Variants in EGFR observed in about 807,000 individuals in gnomAD.
EGFR encodes the protein epidermal growth factor receptor.
A neutral mutation model predicts 143.0 loss-of-function variants in EGFR; 58 were observed. The observed-to-expected ratio is 0.41, with a 90% CI of 0.33 to 0.50. The LOEUF is 0.50. Ranked by LOEUF, EGFR falls within the 20% of genes least tolerant of loss-of-function variation. The probability of loss-of-function intolerance (pLI) is 0.39; values close to 1 mark genes in which losing one functional copy is unlikely to be tolerated. For synonymous variants in EGFR, 613 were observed against 594.4 expected, an observed-to-expected ratio of 1.03 and a Z score of -0.45; for missense variants, 1,307 against 1,579.0, an observed-to-expected ratio of 0.83 and a Z score of 2.92.
intron 1 of EGFR, among the ~76,000 whole-genome samples, chr7:55,062,942 A>G (rs1423228349): frequency 6.6e-6 from 1 of 151,956 alleles, no homozygotes; most frequent in Non-Finnish European, 1.5e-5. Context: ...AGTGCTTGAA[A>G]TTGGCTTTCG....
chr7:55,139,572 C>T (rs185667430), intron 1 of EGFR, among the ~76,000 whole-genome samples: 61 of 152,224 alleles, frequency 4.0e-4, no homozygotes, highest in Middle Eastern at 3.4e-3. Context: ...TCTTTTGATA[C>T]TTTAGTAATT....
intron 15 of EGFR, among the ~76,000 whole-genome samples, chr7:55,167,277 G>A (rs1786088450): frequency 7.0e-6 from 1 of 143,064 alleles, no homozygotes; most frequent in African/African-American, 2.7e-5. Flanking sequence ...TGGTGGTGAT[G>A]GTGGTGAGGA....
At chr7:55,064,999 TA>T (rs1789414892) in intron 1 of EGFR, among the ~76,000 whole-genome samples, 1 of 152,140 alleles carries the variant, frequency 6.6e-6, no homozygotes. Flanking sequence ...CCAAATATAA[TA>T]AAATCAGAAG....
intron 20 of EGFR, among the ~76,000 whole-genome samples, chr7:55,185,681 G>A (rs1787101448): frequency 1.3e-5 from 2 of 152,222 alleles, no homozygotes; most frequent in South Asian, 4.1e-4. Context: ...TGGTTCTGTA[G>A]TACAGCAAAC....
chr7:55,091,431 G>A (rs893755447), intron 1 of EGFR, among the ~76,000 whole-genome samples: 5 of 152,228 alleles, frequency 3.3e-5, no homozygotes, highest in African/African-American at 7.2e-5. Context: ...GAGAGGCGAA[G>A]CCATAGCTGG....
At chr7:55,026,982 T>G (rs980974020) in intron 1 of EGFR, among the ~76,000 whole-genome samples, 9 of 152,008 alleles carry the variant, frequency 5.9e-5, no homozygotes, top group African/African-American at 1.7e-4. Context: ...CACCCTGGCC[T>G]CTGAGTAAGA....
At position 55,155,957 on chromosome 7, in the gene EGFR, C is replaced by T. The variant is rs1175002791; in HGVS notation, c.1006+11C>T. On this transcript the variant is annotated intron_variant, in intron 8 of 27. Transcript: ENST00000275493. ...GGCCTTGCCGCAAAGGTAGGAAGCC[C>T]GCCGGTGTGCGGACGAGGCTTGTTC... 3.1e-6 allele frequency: 5 copies of T among 1,601,688 alleles called. No homozygotes were observed. Among genetic ancestry groups the T allele is most frequent in the Admixed American group, 3.4e-5 (2 of 59,474 alleles).
At chr7:55,127,094 T>TA (rs1230176903) in intron 1 of EGFR, among the ~76,000 whole-genome samples, 1 of 152,248 alleles carries the variant, frequency 6.6e-6, no homozygotes, top group Admixed American at 6.5e-5. Context: ...CATCAATACT[T>TA]ACATCCCAAT....
At chr7:55,085,360 A>C (rs1362626197) in intron 1 of EGFR, among the ~76,000 whole-genome samples, 2 of 152,098 alleles carry the variant, frequency 1.3e-5, no homozygotes, top group African/African-American at 4.8e-5. Flanking sequence ...CATCATTTGC[A>C]TGTGTCTCTT....
At chr7:55,182,781 A>G (rs918684911) in intron 20 of EGFR, among the ~76,000 whole-genome samples, 1 of 152,142 alleles carries the variant, frequency 6.6e-6, no homozygotes, top group Admixed American at 6.5e-5. Flanking sequence ...AAATCACTGA[A>G]TATTTTTGCC....
intron 1 of EGFR, chr7:55,119,315 C>T (rs887329270): frequency 6.6e-6 from 1 of 152,210 alleles, no homozygotes; most frequent in Non-Finnish European, 1.5e-5. Flanking sequence ...ATGTCAGACT[C>T]TCCTGGTTTA....
chr7:55,155,245 C>A (rs1785353758), intron 7 of EGFR, among the ~76,000 whole-genome samples: 1 of 152,190 alleles, frequency 6.6e-6, no homozygotes, highest in Non-Finnish European at 1.5e-5. Context: ...AGTTTGGGAC[C>A]AGCCTGGCCA....
chr7:55,023,024 A>C (rs1346987235), intron 1 of EGFR, among the ~76,000 whole-genome samples: 1 of 152,230 alleles, frequency 6.6e-6, no homozygotes, highest in Non-Finnish European at 1.5e-5. Context: ...CGAGAGTGAC[A>C]AACCAACTCT....
intron 1 of EGFR, among the ~76,000 whole-genome samples, chr7:55,139,614 T>TTATA (rs1453153096): frequency 2.0e-5 from 3 of 152,224 alleles, no homozygotes; most frequent in Admixed American, 2.0e-4. Flanking sequence ...TTGACATGCC[T>TTATA]TATATTGAAT....
intron 1 of EGFR, among the ~76,000 whole-genome samples, chr7:55,063,185 C>A (rs1263810819): frequency 6.6e-6 from 1 of 152,156 alleles, no homozygotes; most frequent in Non-Finnish European, 1.5e-5. Flanking sequence ...GAAATATGTG[C>A]CCGGAAGCAA....
At chr7:55,135,806 A>G (rs961383744) in intron 1 of EGFR, among the ~76,000 whole-genome samples, 1 of 152,156 alleles carries the variant, frequency 6.6e-6, no homozygotes, top group Non-Finnish European at 1.5e-5. Context: ...GAGTGTCTTC[A>G]TAGATGTACA....
intron 1 of EGFR, among the ~76,000 whole-genome samples, chr7:55,054,224 C>T (rs1788657529): frequency 6.6e-6 from 1 of 152,202 alleles, no homozygotes; most frequent in African/African-American, 2.4e-5. Context: ...CTCTGATCTC[C>T]TGACTGTCAT....
intron 19 of EGFR, among the ~76,000 whole-genome samples, chr7:55,177,410 G>A (rs534398192): frequency 4.6e-5 from 7 of 152,304 alleles, no homozygotes; most frequent in Non-Finnish European, 1.0e-4. Flanking sequence ...ACGCATGCAC[G>A]GCAGCAATGA....
At chr7:55,118,266 C>G (rs960694685) in intron 1 of EGFR, among the ~76,000 whole-genome samples, 4 of 152,196 alleles carry the variant, frequency 2.6e-5, no homozygotes, top group Non-Finnish European at 5.9e-5. Flanking sequence ...GCACAACCAT[C>G]ACCTGAGGCA....
Sources: allele counts gnomAD v4.1 joint callset (sites outside exome capture counted in the v4.1 genomes callset), GRCh38; gene constraint gnomAD v4.1.1; transcripts MANE v1.5; gene names NCBI Gene and HGNC (gene_info 2026-07-23, HGNC 2026-07-21).